Variants in CFAP74 observed in about 807,000 individuals in gnomAD.
CFAP74 encodes cilia and flagella associated protein 74, also known as cilia- and flagella-associated protein 74.
Under a neutral mutation model 188.9 loss-of-function variants are expected in CFAP74, and 124 were observed. The ratio of observed to expected loss-of-function variants is 0.66; its 90% CI spans 0.57 to 0.76. The LOEUF (loss-of-function observed/expected upper bound fraction) is 0.76, where lower values mean the gene tolerates loss of function less well. Ranked by LOEUF, CFAP74 falls within the 30% of genes least tolerant of loss-of-function variation. The pLI, the probability that CFAP74 is intolerant of heterozygous loss-of-function variation, is 0.00. For synonymous variants in CFAP74, 956 were observed against 916.7 expected (o/e 1.04, Z -0.77); for missense variants, 2,198 against 2,165.2 (o/e 1.02, Z -0.30).
At position 1,959,240 on chromosome 1, in the gene CFAP74, C is replaced by T. The variant is rs374455225; in HGVS notation, c.1762-31G>A. ...ACATAAAACAACCCCCACCACAATA[C>T]ACTTCTGCAACTTTTGTGTGTTTTG... is the stretch of plus-strand genomic sequence containing the variant. On this transcript the variant is annotated intron_variant, in intron 15 of 38. Coordinates refer to ENST00000682832, the MANE Select transcript of CFAP74 (RefSeq NM_001304360.2). 2.8e-6 allele frequency: 4 copies of T among 1,413,472 alleles called. No homozygotes were observed. The African/African-American group carries it at 5.7e-5, about 20-fold the overall frequency. The allele number at this position is 1,413,472 out of a possible 1,614,324, so 87.6% of individuals were successfully genotyped here.
chr1:1,933,499 A>C (rs145243919), intron 25 of CFAP74, among the ~76,000 whole-genome samples: 1 of 152,288 alleles, frequency 6.6e-6, no homozygotes, highest in South Asian at 2.1e-4. Context: ...AGGTATTTCT[A>C]TATTTTTCCT....
At chr1:1,991,355 C>A (rs887674396) in intron 1 of CFAP74, among the ~76,000 whole-genome samples, 12 of 152,210 alleles carry the variant, frequency 7.9e-5, no homozygotes, top group African/African-American at 2.2e-4. Context: ...CAGAGTGAGA[C>A]CCTGTCACAA....
intron 2 of CFAP74, among the ~76,000 whole-genome samples, chr1:1,989,761 C>T (rs979655005): frequency 3.9e-5 from 6 of 152,148 alleles, no homozygotes; most frequent in Admixed American, 6.5e-5. Context: ...ACACCCGGCC[C>T]GTGTTAGGAT....
chr1:1,938,134 T>G (rs559288387), intron 25 of CFAP74, among the ~76,000 whole-genome samples: 218 of 139,956 alleles, frequency 1.6e-3, no homozygotes, highest in Admixed American at 3.1e-3. Flanking sequence ...TTCAGTCACA[T>G]GCTCACACAT....
chr1:1,969,224 T>TGCCCAGCCCAGCCTA (rs1655724728), intron 10 of CFAP74, among the ~76,000 whole-genome samples: 1 of 49,788 alleles, frequency 2.0e-5, no homozygotes, highest in Non-Finnish European at 3.7e-5. Context: ...TGCCCAGCCC[T>TGCCCAGCCCAGCCTA]GCCCTGCCCA....
chr1:1,973,407 G>A lies in CFAP74; in HGVS notation c.675-360C>T, dbSNP rs1656224628. On this transcript the variant is annotated intron_variant, in intron 7 of 38. Transcript: ENST00000682832. This position sits in a 1 kb window ranked among gnomAD's most constrained non-coding sequence, Gnocchi z 6.2. ...CTGCAGCCAGGGCCTGGATTCCACA[G>A]GGGTTTGTGGCCTGGGCAGCTGAAG... 6.6e-6 allele frequency among the ~76,000 whole-genome samples: 1 copy of A among 152,170 alleles called. No individual in the cohort carries two copies. Among genetic ancestry groups the A allele is most frequent in the Non-Finnish European group, 1.5e-5 (1 of 68,026 alleles).
chr1:1,951,386 G>T (rs1654193156), intron 18 of CFAP74, among the ~76,000 whole-genome samples: 1 of 152,152 alleles, frequency 6.6e-6, no homozygotes, highest in Non-Finnish European at 1.5e-5. Context: ...TTATCCAATT[G>T]TTATGGCCTC....
chr1:1,951,858 G>A (rs1654220007), intron 18 of CFAP74, among the ~76,000 whole-genome samples: 1 of 123,764 alleles, frequency 8.1e-6, no homozygotes, highest in Non-Finnish European at 2.0e-5. Context: ...ATCACTTGAG[G>A]TCAGGAGTTT....
chr1:1,945,972 G>T (rs539111663), intron 20 of CFAP74, among the ~76,000 whole-genome samples: 1 of 113,712 alleles, frequency 8.8e-6, no homozygotes, highest in Non-Finnish European at 2.1e-5. Flanking sequence ...GCGTTTGTGC[G>T]TGTGGGGGGG....
intron 5 of CFAP74, 57 bp downstream of exon 5, chr1:1,986,880 G>C: frequency 6.8e-7 from 1 of 1,460,306 alleles, no homozygotes; most frequent in Non-Finnish European, 9.4e-7. Flanking sequence ...GTGAACCAGT[G>C]AACCTCCGGC....
At chr1:1,940,260 A>G in intron 23 of CFAP74, 56 bp downstream of exon 23, 1 of 1,375,842 alleles carries the variant, frequency 7.3e-7, no homozygotes, top group Admixed American at 2.0e-5. Flanking sequence ...GCCTCCCAGG[A>G]AAGCCCCTGC....
At chr1:1,933,367 A>T (rs927443912) in intron 25 of CFAP74, among the ~76,000 whole-genome samples, 1 of 151,130 alleles carries the variant, frequency 6.6e-6, no homozygotes, top group Non-Finnish European at 1.5e-5. Flanking sequence ...TTTAGTAGAG[A>T]CAGGGTTTCA....
intron 6 of CFAP74, among the ~76,000 whole-genome samples, chr1:1,977,788 G>C (rs1656545398): frequency 6.6e-6 from 1 of 152,236 alleles, no homozygotes; most frequent in South Asian, 2.1e-4. Flanking sequence ...CTAGATGCCA[G>C]AAAGTCATGC....
chr1:1,969,070 C>A (rs1210893632), intron 10 of CFAP74, among the ~76,000 whole-genome samples: 1 of 152,184 alleles, frequency 6.6e-6, no homozygotes, highest in South Asian at 2.1e-4. Context: ...AACGCAAGCT[C>A]CAGTGGGAAG....
chr1:1,977,192 T>C (rs941698779), intron 6 of CFAP74, among the ~76,000 whole-genome samples: 5 of 152,108 alleles, frequency 3.3e-5, no homozygotes, highest in African/African-American at 1.2e-4. Context: ...TTCTTTATAG[T>C]GACACAAAGA....
At chr1:1,974,910 C>T (rs1050580468) in intron 6 of CFAP74, among the ~76,000 whole-genome samples, 2 of 152,208 alleles carry the variant, frequency 1.3e-5, no homozygotes, top group African/African-American at 2.4e-5. Flanking sequence ...AGGTGAGAGC[C>T]GCTGGAGAGG....
Position 1,934,802 on chromosome 1 carries a change from C to T in CFAP74, c.3011+4053G>A, listed in dbSNP as rs201653128. ...GTGGGTGTTAGGTTGTAGGTACACA[C>T]GTGTGTATGTGGGTGTTACGTTGTA... On this transcript the variant is annotated intron_variant, in intron 25 of 38. Transcript: ENST00000682832. Among the ~76,000 whole-genome samples, 14 of 118,588 alleles carry T rather than the reference C, an allele frequency of 1.2e-4. No individual in the cohort carries two copies. The East Asian group carries it at 3.5e-3, about 30-fold the overall frequency. The allele number at this position is 118,588 out of a possible 152,430, so 77.8% of individuals were successfully genotyped here. A position where few individuals can be genotyped will look rare whatever the true frequency, so the allele number is the denominator to read the frequency against.
chr1:1,985,202 T>C (rs771339217), intron 6 of CFAP74, 184 bp downstream of exon 6: 24 of 546,340 alleles, frequency 4.4e-5, no homozygotes, highest in Non-Finnish European at 7.6e-5. Context: ...CCAGAGAAAC[T>C]GAAAAAGGCA....
intron 6 of CFAP74, among the ~76,000 whole-genome samples, chr1:1,976,158 G>T (rs74687935): frequency 6.6e-6 from 1 of 152,214 alleles, no homozygotes; most frequent in Non-Finnish European, 1.5e-5. Context: ...CCCCATGGCC[G>T]AATCTCCCAG....
Sources: allele counts gnomAD v4.1 joint callset (sites outside exome capture counted in the v4.1 genomes callset), GRCh38; gene constraint gnomAD v4.1.1; non-coding constraint Gnocchi (gnomAD v3.1); transcripts MANE v1.5; gene names NCBI Gene and HGNC (gene_info 2026-07-23, HGNC 2026-07-21).